NBPF11: variants seen among roughly 807,000 people sequenced by gnomAD.
The protein encoded by NBPF11 is NBPF member 11.
Under a neutral mutation model 93.9 loss-of-function variants are expected in NBPF11, and 72 were observed. The observed-to-expected ratio is 0.77, with a 90% CI of 0.63 to 0.93. The LOEUF is 0.93. NBPF11 is among the 40% of genes least tolerant of loss of function. The pLI is 0.00. For synonymous variants in NBPF11, 224 were observed against 304.9 expected, an observed-to-expected ratio of 0.73 and a Z score of 2.76; for missense variants, 705 against 802.2, an observed-to-expected ratio of 0.88 and a Z score of 1.46.
chr1:148,125,257 G>A (rs1364014411), intron 5 of NBPF11, among the ~76,000 whole-genome samples: 3 of 151,890 alleles, frequency 2.0e-5, no homozygotes, highest in Non-Finnish European at 2.9e-5. Flanking sequence ...ACAACGAAGT[G>A]GAGTCAGAAC....
chr1:148,137,525 A>T (rs1671513045), intron 3 of NBPF11, among the ~76,000 whole-genome samples, 186 bp downstream of exon 3: 1 of 152,046 alleles, frequency 6.6e-6, no homozygotes, highest in Admixed American at 6.6e-5. Context: ...TTCATTCCAG[A>T]CTTCTGTGGT....
At position 148,119,320 on chromosome 1, in the gene NBPF11, C is replaced by T. The variant is rs1344515918; in HGVS notation, c.989-598G>A. Reference sequence around the variant, plus strand: ...GAAGTTTCTGTTAATTTAGAAACAGCAGAATGAAGAACTAATAGATAGTGT... The same window carrying T: ...GAAGTTTCTGTTAATTTAGAAACAGTAGAATGAAGAACTAATAGATAGTGT... On this transcript the variant is annotated intron_variant, in intron 10 of 23. Transcript: ENST00000682118. 5.3e-5 allele frequency among the ~76,000 whole-genome samples: 8 copies of T among 152,022 alleles called. No individual in the cohort carries two copies. The East Asian group carries it at 1.5e-3, about 29-fold the overall frequency.
intron 6 of NBPF11, 112 bp from the exon 7 acceptor site, chr1:148,124,179 G>A: frequency 2.5e-6 from 2 of 787,632 alleles, no homozygotes; most frequent in South Asian, 3.2e-5. Flanking sequence ...TCAAGCAGAA[G>A]GTCAGCACAT....
chr1:148,127,568 A>G (rs1553273451), intron 4 of NBPF11, among the ~76,000 whole-genome samples: 2 of 118,870 alleles, frequency 1.7e-5, no homozygotes, highest in Non-Finnish European at 3.5e-5. Flanking sequence ...CCAACAGGTT[A>G]TATTTTCTTA....
rs1370489343 is a variant in NBPF11, at chr1:148,137,147, G to A, written c.-178+564C>T. Among the ~76,000 whole-genome samples, 8 of 151,902 alleles carry A rather than the reference G, an allele frequency of 5.3e-5. 1 individual carries two copies. Among genetic ancestry groups the A allele is most frequent in the African/African-American group, 1.9e-4 (8 of 41,184 alleles). On this transcript the variant is annotated intron_variant, in intron 3 of 23. Transcript: ENST00000682118. Reference sequence around the variant, plus strand: ...TATGCCAGTTATATGACTTTAAGATGGTGAGGTTACCGCATGAACTGGATC... The same window carrying A: ...TATGCCAGTTATATGACTTTAAGATAGTGAGGTTACCGCATGAACTGGATC...
chr1:148,117,945 A>T (rs1448734340), intron 11 of NBPF11, among the ~76,000 whole-genome samples, 159 bp from the exon 12 acceptor site: 12 of 150,420 alleles, frequency 8.0e-5, no homozygotes, highest in Admixed American at 7.9e-4. Context: ...GAAAGAATAG[A>T]AAATGGTTTA....
chr1:148,108,233 C>T (rs1664255644), intron 18 of NBPF11, among the ~76,000 whole-genome samples: 1 of 151,482 alleles, frequency 6.6e-6, no homozygotes, highest in African/African-American at 2.4e-5. Context: ...CTGCCCAGAT[C>T]CAACATCTTG....
chr1:148,149,573 C>T, intron 1 of NBPF11: 1 of 1,593,628 alleles, frequency 6.3e-7, no homozygotes, highest in East Asian at 2.2e-5. Context: ...CTAGCGGCGG[C>T]CCCAACCAGC....
intron 17 of NBPF11, among the ~76,000 whole-genome samples, 165 bp from the exon 18 acceptor site, chr1:148,108,819 G>A (rs1353609443): frequency 1.4e-5 from 2 of 145,662 alleles, no homozygotes; most frequent in African/African-American, 5.2e-5. Flanking sequence ...ACTAGGGCCA[G>A]GTAGAAAAGG....
chr1:148,124,623 G>T (rs1553272457), intron 6 of NBPF11, among the ~76,000 whole-genome samples: 2,613 of 151,670 alleles, frequency 0.017, 95 homozygotes, highest in African/African-American at 0.06. Context: ...AATGCTGCTG[G>T]GTGGTTCCCA....
At chr1:148,108,756 A>G in intron 17 of NBPF11, 102 bp from the exon 18 acceptor site, 1 of 767,784 alleles carries the variant, frequency 1.3e-6, no homozygotes, top group Non-Finnish European at 2.3e-6. Flanking sequence ...TTGAAAAGAA[A>G]AAGGACAGAT....
intron 15 of NBPF11, among the ~76,000 whole-genome samples, chr1:148,111,647 G>A (rs1263047367): frequency 3.3e-5 from 5 of 151,110 alleles, no homozygotes; most frequent in African/African-American, 7.4e-5. Flanking sequence ...TGCAAGAAAC[G>A]GTATCAGTGA....
chr1:148,136,025 T>G (rs1671219715), intron 3 of NBPF11, among the ~76,000 whole-genome samples: 1 of 151,960 alleles, frequency 6.6e-6, no homozygotes, highest in African/African-American at 2.4e-5. Flanking sequence ...CTCATGTCCC[T>G]GAAGTCATCA....
intron 1 of NBPF11, chr1:148,146,374 C>T: frequency 6.4e-7 from 1 of 1,554,436 alleles, no homozygotes; most frequent in Admixed American, 1.9e-5. Flanking sequence ...CGGTGGAGGC[C>T]CGGCCCGGGC....
chr1:148,141,028 T>C (rs1672080050), intron 2 of NBPF11, among the ~76,000 whole-genome samples: 2 of 151,966 alleles, frequency 1.3e-5, no homozygotes, highest in Non-Finnish European at 2.9e-5. Flanking sequence ...TTAAACTACA[T>C]AATGCTAGAA....
chr1:148,110,278 T>G, intron 16 of NBPF11, 100 bp downstream of exon 16: 5 of 1,505,798 alleles, frequency 3.3e-6, no homozygotes, highest in Non-Finnish European at 3.7e-6. Flanking sequence ...CCCACAGTGA[T>G]GGCAACTCTC....
chr1:148,108,922 C>A (rs1664548255), intron 17 of NBPF11, among the ~76,000 whole-genome samples: 1 of 150,492 alleles, frequency 6.6e-6, no homozygotes, highest in African/African-American at 2.5e-5. Context: ...CCAGGTGACA[C>A]ACTGATGAGG....
At chr1:148,104,110 GAGAGACAGAGACAGAGACAGAGAC>G (rs796078454) in intron 23 of NBPF11, among the ~76,000 whole-genome samples, 198 bp from the exon 24 acceptor site, 2 of 132,622 alleles carry the variant, frequency 1.5e-5, no homozygotes, top group African/African-American at 5.9e-5. Flanking sequence ...GACAGAGAGA[GAGAGACAGAGACAGAGACAGAGAC>G]AGAGACAGAG....
chr1:148,149,997 C>T (rs1348650527), intron 1 of NBPF11, among the ~76,000 whole-genome samples: 1 of 151,732 alleles, frequency 6.6e-6, no homozygotes, highest in Non-Finnish European at 1.5e-5. Flanking sequence ...ACTGATAAAA[C>T]ACTTTGGGAA....
Sources: gnomAD v4.1 joint callset for allele counts (sites outside exome capture counted in the v4.1 genomes callset) on GRCh38, gnomAD v4.1.1 for gene constraint, MANE v1.5 for transcripts, NCBI Gene and HGNC (gene_info 2026-07-23, HGNC 2026-07-21) for gene names.